Variants in EFCAB6 observed in about 807,000 individuals in gnomAD.
The protein encoded by EFCAB6 is EF-hand calcium-binding domain-containing protein 6.
EFCAB6 carries 156 observed loss-of-function variants against 169.8 expected under a neutral mutation model. The observed-to-expected ratio is 0.92, with a 90% confidence interval of 0.81 to 1.05. The LOEUF is 1.05. Ranked by LOEUF, EFCAB6 falls within the 50% of genes least tolerant of loss-of-function variation. The pLI is 0.00. For missense variants in EFCAB6, 1,800 were observed against 1,829.1 expected, an observed-to-expected ratio of 0.98 and a Z score of 0.29; for synonymous variants, 698 against 676.4, an observed-to-expected ratio of 1.03 and a Z score of -0.50.
At chr22:43,704,190 C>A (rs949534825) in intron 10 of EFCAB6, among the ~76,000 whole-genome samples, 1 of 151,872 alleles carries the variant, frequency 6.6e-6, no homozygotes, top group African/African-American at 2.4e-5. Context: ...TCCACAGAAA[C>A]AGGAGAGAGT....
chr22:43,576,192 G>T, intron 26 of EFCAB6, 105 bp downstream of exon 26: 1 of 936,402 alleles, frequency 1.1e-6, no homozygotes. Context: ...ATTACATGAG[G>T]TGATTGCCAA....
intron 27 of EFCAB6, among the ~76,000 whole-genome samples, chr22:43,543,146 C>T (rs1047971874): frequency 6.6e-6 from 1 of 152,212 alleles, no homozygotes; most frequent in South Asian, 2.1e-4. Context: ...CGGAATTACA[C>T]AGCCCCAGGC....
At chr22:43,703,933 C>T (rs1303112136) in intron 10 of EFCAB6, among the ~76,000 whole-genome samples, 2 of 151,804 alleles carry the variant, frequency 1.3e-5, no homozygotes, top group Non-Finnish European at 2.9e-5. Context: ...AGAAAAAAAG[C>T]CTAGAAAGCA....
At chr22:43,715,010 G>A in intron 9 of EFCAB6, among the ~76,000 whole-genome samples, 1 of 152,172 alleles carries the variant, frequency 6.6e-6, no homozygotes. Flanking sequence ...GAGCAAAAAT[G>A]GTGAGGTGGG....
At chr22:43,570,598 C>A (rs1160905234) in intron 26 of EFCAB6, among the ~76,000 whole-genome samples, 1 of 138,644 alleles carries the variant, frequency 7.2e-6, no homozygotes, top group Non-Finnish European at 1.5e-5. Context: ...TGTGTGCTGC[C>A]GTTTAGGTGT....
At chr22:43,640,762 G>A (rs1323591244) in intron 17 of EFCAB6, among the ~76,000 whole-genome samples, 1 of 152,110 alleles carries the variant, frequency 6.6e-6, no homozygotes, top group Non-Finnish European at 1.5e-5. Flanking sequence ...CAGGCATTTG[G>A]TTATTTAATA....
chr22:43,582,435 A>T (rs1361248282), intron 24 of EFCAB6, among the ~76,000 whole-genome samples: 1 of 152,104 alleles, frequency 6.6e-6, no homozygotes, highest in Non-Finnish European at 1.5e-5. Context: ...CTTTTAAGGG[A>T]ATTATTTTCT....
At chr22:43,671,091 G>A (rs1360483300) in intron 15 of EFCAB6, among the ~76,000 whole-genome samples, 1 of 152,272 alleles carries the variant, frequency 6.6e-6, no homozygotes, top group East Asian at 1.9e-4. Context: ...CTCAGCTCCT[G>A]AGAGGTGAGA....
chr22:43,567,573 C>T (rs1372538374), intron 26 of EFCAB6, among the ~76,000 whole-genome samples: 3 of 152,178 alleles, frequency 2.0e-5, no homozygotes, highest in African/African-American at 4.8e-5. Flanking sequence ...AGGAGGCACA[C>T]ACCAAACAGT....
At chr22:43,627,546 G>A (rs2054613041) in intron 19 of EFCAB6, among the ~76,000 whole-genome samples, 1 of 152,218 alleles carries the variant, frequency 6.6e-6, no homozygotes, top group African/African-American at 2.4e-5. Context: ...AATGCTGTTT[G>A]TTGCACTTGC....
chr22:43,782,422 CAG>C, intron 2 of EFCAB6, 97 bp from the exon 3 acceptor site: 1 of 1,062,356 alleles, frequency 9.4e-7, no homozygotes, highest in South Asian at 1.6e-5. Context: ...GGGACAGCTG[CAG>C]AGTGTAAAAA....
At chr22:43,580,791 G>T (rs2050672368) in intron 24 of EFCAB6, 132 bp from the exon 25 acceptor site, 1 of 948,122 alleles carries the variant, frequency 1.1e-6, no homozygotes, top group Non-Finnish European at 1.6e-6. Flanking sequence ...TCCCTTCGCT[G>T]TACGTGCAGA....
rs547975232 is a variant in EFCAB6, at chr22:43,638,068, G to A, written c.1984-2852C>T. Reference sequence around the variant, plus strand: ...GGTCGCAGGAGCGTAATCCCCAGGGGCACGGAGCACCGGAGCACCGCAGAG... The same window carrying A: ...GGTCGCAGGAGCGTAATCCCCAGGGACACGGAGCACCGGAGCACCGCAGAG... On this transcript the variant is annotated intron_variant, in intron 17 of 31. Transcript: ENST00000262726. Among the ~76,000 whole-genome samples, 8 of 152,246 alleles carry A rather than the reference G, an allele frequency of 5.3e-5. No homozygotes were observed. In the South Asian group the frequency reaches 1.7e-3, roughly 32 times the overall value.
intron 8 of EFCAB6, among the ~76,000 whole-genome samples, chr22:43,730,272 G>GA (rs1668210828): frequency 2.6e-5 from 2 of 75,924 alleles, no homozygotes; most frequent in Admixed American, 1.4e-4. Context: ...GGGAGCGAGG[G>GA]AGGGAGGGAT....
intron 17 of EFCAB6, among the ~76,000 whole-genome samples, chr22:43,638,835 G>C (rs544648228): frequency 2.1e-4 from 31 of 149,712 alleles, no homozygotes; most frequent in African/African-American, 7.4e-4. Context: ...GCCCAGGCTG[G>C]AGTGCAATGG....
At chr22:43,593,204 G>A (rs1268455827) in intron 23 of EFCAB6, among the ~76,000 whole-genome samples, 1 of 152,232 alleles carries the variant, frequency 6.6e-6, no homozygotes. Context: ...ACAGAAATTG[G>A]TCATGCATTT....
chr22:43,599,099 G>A (rs1181012940), intron 23 of EFCAB6, among the ~76,000 whole-genome samples: 1 of 152,146 alleles, frequency 6.6e-6, no homozygotes, highest in Non-Finnish European at 1.5e-5. Flanking sequence ...AAACGTAATG[G>A]CCTGTTAGCC....
intron 19 of EFCAB6, among the ~76,000 whole-genome samples, chr22:43,627,084 A>C (rs1042672164): frequency 2.5e-4 from 38 of 152,324 alleles, no homozygotes; most frequent in African/African-American, 7.5e-4. Context: ...GTCTACAGCC[A>C]AACAAATACT....
chr22:43,606,314 G>A (rs956583410), intron 22 of EFCAB6, among the ~76,000 whole-genome samples: 5 of 152,222 alleles, frequency 3.3e-5, no homozygotes, highest in African/African-American at 1.2e-4. Context: ...AAGAGCATTT[G>A]AGTGTCTTTG....
Sources: gnomAD v4.1 joint callset for allele counts (sites outside exome capture counted in the v4.1 genomes callset) on GRCh38, gnomAD v4.1.1 for gene constraint, MANE v1.5 for transcripts, NCBI Gene and HGNC (gene_info 2026-07-23, HGNC 2026-07-21) for gene names.